Variants in CHODL observed in about 807,000 individuals in gnomAD.
CHODL encodes chondrolectin, also known as transmembrane protein MT75.
In CHODL, 29 loss-of-function variants were observed where a neutral mutation model predicts 34.5. The observed-to-expected ratio is 0.84, with a 90% confidence interval of 0.63 to 1.15. The LOEUF is 1.15. Ranked by LOEUF, CHODL falls within the 50% of genes most tolerant of loss-of-function variation. The pLI is 0.00. For missense variants in CHODL, 332 were observed against 332.5 expected, an observed-to-expected ratio of 1.00 and a Z score of 0.01; for synonymous variants, 125 against 116.1, an observed-to-expected ratio of 1.08 and a Z score of -0.49.
chr21:18,026,764 C>T (rs987783095), intron 1 of CHODL, among the ~76,000 whole-genome samples: 5 of 152,116 alleles, frequency 3.3e-5, no homozygotes, highest in Admixed American at 6.6e-5. Flanking sequence ...TATCCTAAGT[C>T]GTTTCTGGAA....
rs34259143 is a variant in CHODL at position 18,207,659 on chromosome 21, C to CTTTTTTTTT, written c.-44-48837_-44-48829dup. Among the ~76,000 whole-genome samples the CTTTTTTTTT allele has an allele frequency of 2.8e-3, 158 of 55,942 alleles. 5 individuals are homozygous for CTTTTTTTTT. Among genetic ancestry groups the CTTTTTTTTT allele is most frequent in the African/African-American group, 3.4e-3 (39 of 11,334 alleles). 36.7% of individuals were successfully genotyped at this position (55,942 alleles called of 152,430 possible). Reference sequence around the variant, plus strand: ...TGGTGGTGGTGATGAAATCTCTCAGCTTTTTTTTTTTTTTTTTTTTTGCGG... The same window carrying CTTTTTTTTT: ...TGGTGGTGGTGATGAAATCTCTCAGCTTTTTTTTTTTTTTTTTTTTTTTTTTTTTTGCGG... On this transcript the variant is annotated intron_variant, in intron 2 of 6. Transcript: ENST00000400127.
chr21:17,957,280 C>T (rs935115348), intron 1 of CHODL, among the ~76,000 whole-genome samples: 3 of 152,254 alleles, frequency 2.0e-5, no homozygotes, highest in South Asian at 2.1e-4. Flanking sequence ...TCATGTCAGT[C>T]TATTCTTCGG....
chr21:17,944,981 C>T lies in CHODL; in HGVS notation c.-145+27581C>T, dbSNP rs564419650. 1.1e-4 allele frequency among the ~76,000 whole-genome samples: 17 copies of T among 152,214 alleles called. No individual in the cohort carries two copies. The East Asian group carries it at 1.4e-3, about 12-fold the overall frequency. On this transcript the variant is annotated intron_variant, in intron 1 of 6. Transcript: ENST00000400127. ...ATCCCAGCACTTTGGAGGGCCAAGG[C>T]GGGTGGATCACAGGGTCCGGAGATC... is the stretch of plus-strand genomic sequence containing the variant.
At chr21:18,131,842 T>C (rs2146595454) in intron 2 of CHODL, among the ~76,000 whole-genome samples, 1 of 152,240 alleles carries the variant, frequency 6.6e-6, no homozygotes, top group African/African-American at 2.4e-5. Context: ...TTTTTAAACC[T>C]TTTTTCTGCC....
chr21:18,007,556 T>C (rs969626164), intron 1 of CHODL, among the ~76,000 whole-genome samples: 1 of 152,208 alleles, frequency 6.6e-6, no homozygotes, highest in African/African-American at 2.4e-5. Context: ...TTTATAAATA[T>C]AGTTGTGAAG....
At chr21:18,176,643 T>A (rs1487512506) in intron 2 of CHODL, among the ~76,000 whole-genome samples, 2 of 152,110 alleles carry the variant, frequency 1.3e-5, no homozygotes, top group African/African-American at 4.8e-5. Flanking sequence ...AAATTAGTAT[T>A]TTTTCCAAAG....
chr21:18,151,716 T>A (rs1282094594), intron 2 of CHODL, among the ~76,000 whole-genome samples: 4 of 152,138 alleles, frequency 2.6e-5, no homozygotes, highest in Non-Finnish European at 5.9e-5. Flanking sequence ...GTAGATAGTA[T>A]CAAAACTGAA....
intron 2 of CHODL, among the ~76,000 whole-genome samples, chr21:18,207,659 CTTTT>C (rs34259143): frequency 1.8e-5 from 1 of 55,950 alleles, no homozygotes; most frequent in African/African-American, 8.8e-5. Context: ...AATCTCTCAG[CTTTT>C]TTTTTTTTTT....
chr21:18,226,383 C>T (rs1032807213), intron 2 of CHODL, among the ~76,000 whole-genome samples: 1 of 152,172 alleles, frequency 6.6e-6, no homozygotes, highest in Non-Finnish European at 1.5e-5. Flanking sequence ...TCACTGCAAC[C>T]TTCACCTCCC....
chr21:18,094,631 G>A (rs1028077387), intron 2 of CHODL, among the ~76,000 whole-genome samples: 2 of 150,716 alleles, frequency 1.3e-5, no homozygotes, highest in African/African-American at 4.9e-5. Context: ...AATTAAGAAG[G>A]AAATCGAAAA....
At chr21:17,993,374 A>T (rs1278610719) in intron 1 of CHODL, among the ~76,000 whole-genome samples, 1 of 151,994 alleles carries the variant, frequency 6.6e-6, no homozygotes, top group Non-Finnish European at 1.5e-5. Flanking sequence ...CCTCTCACCC[A>T]TCACCCTCTG....
intron 2 of CHODL, among the ~76,000 whole-genome samples, chr21:18,056,212 A>G (rs149510): frequency 0.66 from 100,281 of 151,666 alleles, 34,619 homozygotes; most frequent in African/African-American, 0.82. Context: ...TTAACCTTCA[A>G]GATTTTGAAG....
chr21:17,931,610 C>T (rs374012325), intron 1 of CHODL, among the ~76,000 whole-genome samples: 2 of 151,982 alleles, frequency 1.3e-5, no homozygotes, highest in Non-Finnish European at 2.9e-5. Flanking sequence ...TAAGGAAGCT[C>T]AATGAGGTCC....
At chr21:18,208,906 C>A (rs996471707) in intron 2 of CHODL, among the ~76,000 whole-genome samples, 19 of 141,510 alleles carry the variant, frequency 1.3e-4, no homozygotes, top group African/African-American at 4.4e-4. Context: ...CTGCCTGGAG[C>A]TGTGAAGGGG....
At chr21:17,947,642 G>T (rs2063422259) in intron 1 of CHODL, among the ~76,000 whole-genome samples, 1 of 151,682 alleles carries the variant, frequency 6.6e-6, no homozygotes, top group Non-Finnish European at 1.5e-5. Context: ...AAAAGCACAT[G>T]AAAAATAAAA....
chr21:18,175,157 G>C (rs10482895), intron 2 of CHODL, among the ~76,000 whole-genome samples: 2 of 152,132 alleles, frequency 1.3e-5, no homozygotes, highest in East Asian at 3.9e-4. Flanking sequence ...CTGCTTTTAT[G>C]TATTGAGGCT....
chr21:18,234,565 G>T (rs1372743255), intron 2 of CHODL, among the ~76,000 whole-genome samples: 1 of 151,938 alleles, frequency 6.6e-6, no homozygotes, highest in Non-Finnish European at 1.5e-5. Context: ...CAATATCTGG[G>T]GTAAAAGAGG....
At chr21:18,157,112 G>T (rs1384613216) in intron 2 of CHODL, among the ~76,000 whole-genome samples, 1 of 152,180 alleles carries the variant, frequency 6.6e-6, no homozygotes, top group Non-Finnish European at 1.5e-5. Context: ...GTTGATTACA[G>T]GCGAGTCACA....
At chr21:18,093,298 G>A (rs1206921701) in intron 2 of CHODL, among the ~76,000 whole-genome samples, 1 of 152,116 alleles carries the variant, frequency 6.6e-6, no homozygotes. Flanking sequence ...AAAGCTGAAG[G>A]ATTTTATCAA....
Sources: allele counts gnomAD v4.1 joint callset (sites outside exome capture counted in the v4.1 genomes callset), GRCh38; gene constraint gnomAD v4.1.1; transcripts MANE v1.5; gene names NCBI Gene and HGNC (gene_info 2026-07-23, HGNC 2026-07-21).